Variants in SIPA1L1 observed in about 807,000 individuals in gnomAD.
The protein encoded by SIPA1L1 is signal-induced proliferation-associated 1-like protein 1.
Under a neutral mutation model 162.7 loss-of-function variants are expected in SIPA1L1, and 26 were observed. The ratio of observed to expected loss-of-function variants is 0.16; its 90% CI spans 0.12 to 0.22. The LOEUF is 0.22. Ranked by LOEUF, SIPA1L1 falls within the 10% of genes least tolerant of loss-of-function variation. SIPA1L1 has a pLI of 1.00. For synonymous variants in SIPA1L1, 829 were observed against 837.4 expected (o/e 0.99, Z 0.17); for missense variants, 1,874 against 2,241.0 (o/e 0.84, Z 3.31).
At chr14:71,582,105 G>A (rs771734516) in intron 4 of SIPA1L1, among the ~76,000 whole-genome samples, 7 of 152,074 alleles carry the variant, frequency 4.6e-5, no homozygotes, top group Non-Finnish European at 8.8e-5. Flanking sequence ...TCAGCACTTT[G>A]GTAGGATCCC....
At chr14:71,339,670 A>G (rs543122417) in intron 2 of SIPA1L1, among the ~76,000 whole-genome samples, 42 of 152,262 alleles carry the variant, frequency 2.8e-4, no homozygotes, top group African/African-American at 9.9e-4. Flanking sequence ...GGCCTATCCA[A>G]GTGTTTTCAT....
chr14:71,592,736 ATGT>A (rs879302036), intron 5 of SIPA1L1, among the ~76,000 whole-genome samples: 6 of 152,216 alleles, frequency 3.9e-5, no homozygotes, highest in African/African-American at 7.2e-5. Flanking sequence ...CTTTATTATT[ATGT>A]TGTTTTTATA....
chr14:71,593,221 T>G (rs2035617822), intron 5 of SIPA1L1, among the ~76,000 whole-genome samples: 1 of 151,476 alleles, frequency 6.6e-6, no homozygotes, highest in African/African-American at 2.4e-5. Flanking sequence ...ATTTATTTAT[T>G]TATTTATTGA....
chr14:71,422,964 G>T (rs1461127867), intron 2 of SIPA1L1, among the ~76,000 whole-genome samples: 1 of 152,152 alleles, frequency 6.6e-6, no homozygotes, highest in Non-Finnish European at 1.5e-5. Flanking sequence ...AAAGATTCCA[G>T]TTTCTTCACA....
At chr14:71,636,344 A>T (rs1176827569) in intron 7 of SIPA1L1, among the ~76,000 whole-genome samples, 2 of 152,270 alleles carry the variant, frequency 1.3e-5, no homozygotes, top group Admixed American at 6.5e-5. Context: ...AACAAAAAGT[A>T]TATTTTCTAA....
intron 3 of SIPA1L1, among the ~76,000 whole-genome samples, chr14:71,523,802 A>G (rs574505658): frequency 6.6e-6 from 1 of 152,276 alleles, no homozygotes; most frequent in African/African-American, 2.4e-5. Context: ...GTTTTATCCT[A>G]TGGGTTATAA....
intron 5 of SIPA1L1, among the ~76,000 whole-genome samples, chr14:71,596,000 C>G (rs1391991363): frequency 6.6e-6 from 1 of 152,078 alleles, no homozygotes; most frequent in Non-Finnish European, 1.5e-5. Context: ...CCAGATAGTC[C>G]TTTATTCAAT....
At position 71,724,692 on chromosome 14, in the gene SIPA1L1, G is replaced by A. The variant is rs1038079699; in HGVS notation, c.4471G>A (p.Glu1491Lys). Reference sequence around the variant, plus strand: ...CAGGCGTCATCAGAGCGATGGCAATGAAATAGCCCACACCAGGCTGCGTGC... The same window carrying A: ...CAGGCGTCATCAGAGCGATGGCAATAAAATAGCCCACACCAGGCTGCGTGC... ...TRKRHQSDGN[E>K]IAHTRLRAST... The change falls in exon 19 of 24, where the codon GAA (glutamate) becomes AAA (lysine). Residue 1491 changes from glutamate to lysine, a missense_variant. Transcript: ENST00000381232. The A allele has an allele frequency of 4.3e-6, 7 of 1,613,580 alleles. No individual in the cohort carries two copies. Among genetic ancestry groups the A allele is most frequent in the Non-Finnish European group, 5.9e-6 (7 of 1,179,926 alleles).
chr14:71,485,532 A>G (rs897139615), intron 2 of SIPA1L1, among the ~76,000 whole-genome samples: 1 of 151,672 alleles, frequency 6.6e-6, no homozygotes, highest in African/African-American at 2.4e-5. Flanking sequence ...TGAGAATCTA[A>G]TGCCCGATGA....
intron 2 of SIPA1L1, among the ~76,000 whole-genome samples, chr14:71,505,944 A>G (rs1443781729): frequency 1.3e-5 from 2 of 150,712 alleles, no homozygotes; most frequent in Admixed American, 1.3e-4. Flanking sequence ...ATATCTCATT[A>G]TGGATATGCA....
At chr14:71,683,093 G>A (rs1015445414) in intron 12 of SIPA1L1, among the ~76,000 whole-genome samples, 5 of 152,222 alleles carry the variant, frequency 3.3e-5, no homozygotes, top group Non-Finnish European at 7.3e-5. Flanking sequence ...GGTTGAGGCT[G>A]TGGTGAACCT....
chr14:71,704,537 T>C (rs2082308968), intron 15 of SIPA1L1, among the ~76,000 whole-genome samples: 1 of 152,206 alleles, frequency 6.6e-6, no homozygotes, highest in African/African-American at 2.4e-5. Context: ...TGCCCTGTCC[T>C]CTACATGTTA....
intron 2 of SIPA1L1, chr14:71,418,260 T>C (rs2042945358): frequency 6.6e-6 from 1 of 152,186 alleles, no homozygotes; most frequent in African/African-American, 2.4e-5. Context: ...TACCTGATTA[T>C]TTTTTTGGGC....
At chr14:71,552,168 G>T (rs543275078) in intron 4 of SIPA1L1, among the ~76,000 whole-genome samples, 1 of 152,176 alleles carries the variant, frequency 6.6e-6, no homozygotes, top group South Asian at 2.1e-4. Flanking sequence ...ATTATTAATT[G>T]TAGTAAAGAA....
chr14:71,710,293 A>G (rs2082769351), intron 17 of SIPA1L1, among the ~76,000 whole-genome samples: 1 of 152,220 alleles, frequency 6.6e-6, no homozygotes, highest in African/African-American at 2.4e-5. Context: ...TCACACCTCT[A>G]GATAAAATAA....
At chr14:71,553,026 G>A (rs1015847850) in intron 4 of SIPA1L1, among the ~76,000 whole-genome samples, 4 of 152,086 alleles carry the variant, frequency 2.6e-5, no homozygotes, top group Non-Finnish European at 5.9e-5. Flanking sequence ...AGTTCAGATT[G>A]CCGATATCTC....
At chr14:71,623,418 G>A (rs999055120) in intron 6 of SIPA1L1, among the ~76,000 whole-genome samples, 1 of 152,156 alleles carries the variant, frequency 6.6e-6, no homozygotes, top group East Asian at 1.9e-4. Context: ...GTAGGAAAAT[G>A]TCTTTGCTTA....
At chr14:71,545,839 G>A (rs563497879) in intron 4 of SIPA1L1, among the ~76,000 whole-genome samples, 1 of 152,236 alleles carries the variant, frequency 6.6e-6, no homozygotes, top group Admixed American at 6.5e-5. Context: ...GGTGGTGCAT[G>A]CCTATAATCC....
chr14:71,435,609 T>TA (rs1185016362), intron 2 of SIPA1L1, among the ~76,000 whole-genome samples: 1 of 152,258 alleles, frequency 6.6e-6, no homozygotes, highest in Non-Finnish European at 1.5e-5. Flanking sequence ...AAGTCTTTGC[T>TA]ATTGTGGATA....
Sources: allele counts gnomAD v4.1 joint callset (sites outside exome capture counted in the v4.1 genomes callset), GRCh38; gene constraint gnomAD v4.1.1; transcripts MANE v1.5; gene names NCBI Gene and HGNC (gene_info 2026-07-23, HGNC 2026-07-21).